COL23A1: variants seen among roughly 807,000 people sequenced by gnomAD.
The protein encoded by COL23A1 is collagen alpha-1(XXIII) chain.
COL23A1 carries 97 observed loss-of-function variants against 99.3 expected under a neutral mutation model. The observed-to-expected ratio is 0.98, with a 90% CI of 0.83 to 1.16. The LOEUF is 1.16. Ranked by LOEUF, COL23A1 falls within the 50% of genes most tolerant of loss-of-function variation. COL23A1 has a pLI of 0.00. For synonymous variants in COL23A1, 320 were observed against 308.2 expected (o/e 1.04, Z -0.40); for missense variants, 762 against 757.4 (o/e 1.01, Z -0.07).
chr5:178,262,313 A>G, intron 9 of COL23A1, 61 bp from the exon 10 acceptor site: 1 of 1,521,590 alleles, frequency 6.6e-7, no homozygotes, highest in Admixed American at 2.0e-5. Flanking sequence ...ACTGAGCCCA[A>G]ATCTCAGGCC....
At chr5:178,518,957 C>T (rs1288063652) in intron 2 of COL23A1, among the ~76,000 whole-genome samples, 4 of 148,374 alleles carry the variant, frequency 2.7e-5, no homozygotes, top group Admixed American at 2.7e-4. Flanking sequence ...GTCGCGGCAG[C>T]GGCTCCGCTT....
intron 5 of COL23A1, among the ~76,000 whole-genome samples, chr5:178,279,666 A>G (rs1581515052): frequency 6.6e-6 from 1 of 152,166 alleles, no homozygotes; most frequent in African/African-American, 2.4e-5. Context: ...GAGATGGCCA[A>G]TTCCTCAAGG....
chr5:178,284,996 T>C (rs1561825052), intron 5 of COL23A1, among the ~76,000 whole-genome samples: 1 of 152,240 alleles, frequency 6.6e-6, no homozygotes, highest in Non-Finnish European at 1.5e-5. Flanking sequence ...CCAAATGTTT[T>C]ACAATAAACA....
At chr5:178,346,303 G>A (rs142484268) in intron 2 of COL23A1, among the ~76,000 whole-genome samples, 33 of 152,098 alleles carry the variant, frequency 2.2e-4, no homozygotes, top group Middle Eastern at 3.4e-3. Flanking sequence ...GTGCGATCTC[G>A]GCTCACTGCA....
intron 2 of COL23A1, among the ~76,000 whole-genome samples, chr5:178,497,717 T>C (rs1370936409): frequency 6.6e-6 from 1 of 152,104 alleles, no homozygotes; most frequent in Non-Finnish European, 1.5e-5. Context: ...AGTATAATGG[T>C]TGAAATAAAA....
chr5:178,246,956 G>C (rs1438121274), intron 22 of COL23A1, among the ~76,000 whole-genome samples: 1 of 152,214 alleles, frequency 6.6e-6, no homozygotes, highest in East Asian at 1.9e-4. Context: ...CTCTGAGCTG[G>C]GGAAGCAGAG....
chr5:178,277,352 C>T (rs1034929108), intron 5 of COL23A1, among the ~76,000 whole-genome samples: 24 of 152,204 alleles, frequency 1.6e-4, no homozygotes, highest in Admixed American at 9.2e-4. Context: ...GGTGACAGAG[C>T]GAGACTTTGT....
At chr5:178,268,896 C>T (rs1056724826) in intron 6 of COL23A1, 140 bp from the exon 7 acceptor site, 1 of 764,074 alleles carries the variant, frequency 1.3e-6, no homozygotes, top group Non-Finnish European at 2.0e-6. Context: ...GAGCTCTCAG[C>T]CCTCAATGAG....
At chr5:178,476,274 C>T (rs1757023282) in intron 2 of COL23A1, among the ~76,000 whole-genome samples, 1 of 152,178 alleles carries the variant, frequency 6.6e-6, no homozygotes, top group Non-Finnish European at 1.5e-5. Context: ...GGAGCACATA[C>T]CCCTTTCCCA....
intron 2 of COL23A1, among the ~76,000 whole-genome samples, chr5:178,500,322 T>C (rs1441662562): frequency 6.7e-6 from 1 of 150,252 alleles, no homozygotes; most frequent in East Asian, 2.0e-4. Flanking sequence ...GTGTGGTAGC[T>C]TGGGCCTATA....
In COL23A1 at chr5:178,403,671, T is replaced by C. The variant is rs182916196; in HGVS notation, c.362-96752A>G. On this transcript the variant is annotated intron_variant, in intron 2 of 28. Coordinates refer to ENST00000390654, the MANE Select transcript of COL23A1 (RefSeq NM_173465.4). ...CTTTCAGAGCCCCAAGTGGTCCTTA[T>C]AGTTCCTGGCTGAGATGCCTCACAA... Among the ~76,000 whole-genome samples, 26 of 152,370 alleles carry C rather than the reference T, an allele frequency of 1.7e-4. No individual in the cohort carries two copies. In the East Asian group the frequency reaches 4.8e-3, roughly 28 times the overall value.
intron 2 of COL23A1, among the ~76,000 whole-genome samples, chr5:178,433,858 A>C (rs1436018332): frequency 6.6e-6 from 1 of 152,208 alleles, no homozygotes; most frequent in Non-Finnish European, 1.5e-5. Flanking sequence ...TTAAGTGATT[A>C]AGTTAAAATG....
chr5:178,547,124 G>A (rs568902393), intron 2 of COL23A1, among the ~76,000 whole-genome samples: 46 of 152,240 alleles, frequency 3.0e-4, no homozygotes, highest in African/African-American at 1.0e-3. Flanking sequence ...AGGCTTTTCA[G>A]GGAAGGTATT....
chr5:178,256,510 A>G, intron 14 of COL23A1, 113 bp from the exon 15 acceptor site: 1 of 981,686 alleles, frequency 1.0e-6, no homozygotes, highest in Non-Finnish European at 1.5e-6. Context: ...CGAGTGCTGG[A>G]ACCCTAATAG....
intron 3 of COL23A1, among the ~76,000 whole-genome samples, chr5:178,300,953 CTT>C (rs1030364301): frequency 6.6e-6 from 1 of 152,074 alleles, no homozygotes; most frequent in African/African-American, 2.4e-5. Flanking sequence ...GTTTGTTGAG[CTT>C]CTTAGATGTG....
intron 2 of COL23A1, among the ~76,000 whole-genome samples, chr5:178,378,512 G>T (rs959326948): frequency 6.6e-6 from 1 of 152,238 alleles, no homozygotes; most frequent in Non-Finnish European, 1.5e-5. Flanking sequence ...AGTGTGATCA[G>T]AGTAGTAAAA....
chr5:178,398,227 CT>C (rs1249071398), intron 2 of COL23A1, among the ~76,000 whole-genome samples: 3 of 152,220 alleles, frequency 2.0e-5, no homozygotes, highest in Non-Finnish European at 4.4e-5. Flanking sequence ...GAATAACTCC[CT>C]TTATCAACAT....
intron 3 of COL23A1, among the ~76,000 whole-genome samples, chr5:178,298,004 C>A (rs1757837304): frequency 6.6e-6 from 1 of 152,288 alleles, no homozygotes; most frequent in South Asian, 2.1e-4. Context: ...GCTTAGAAAG[C>A]GAGCTGGCTG....
intron 2 of COL23A1, among the ~76,000 whole-genome samples, chr5:178,520,209 G>A (rs1581555647): frequency 6.6e-6 from 1 of 152,296 alleles, no homozygotes; most frequent in South Asian, 2.1e-4. Context: ...GGCTGGTAAG[G>A]AAGGAGGGAA....
Sources: allele counts gnomAD v4.1 joint callset (sites outside exome capture counted in the v4.1 genomes callset), GRCh38; gene constraint gnomAD v4.1.1; transcripts MANE v1.5; gene names NCBI Gene and HGNC (gene_info 2026-07-23, HGNC 2026-07-21).